EXT1: variants seen among roughly 807,000 people sequenced by gnomAD.
EXT1 encodes exostosin glycosyltransferase 1.
In EXT1, 20 loss-of-function variants were observed where a neutral mutation model predicts 82.5. The ratio of observed to expected loss-of-function variants is 0.24; its 90% CI spans 0.17 to 0.35. The LOEUF is 0.35. Ranked by LOEUF, EXT1 falls within the 10% of genes least tolerant of loss-of-function variation. The pLI is 1.00. For missense variants in EXT1, 757 were observed against 936.5 expected (o/e 0.81, Z 2.50); for synonymous variants, 348 against 350.8 (o/e 0.99, Z 0.09).
intron 1 of EXT1, among the ~76,000 whole-genome samples, chr8:118,090,778 CAAAAAAAAA>C (rs11318164): frequency 8.8e-4 from 24 of 27,192 alleles, no homozygotes; most frequent in East Asian, 1.7e-3. Flanking sequence ...GATTCTGTCT[CAAAAAAAAA>C]AAAAAAAAAA....
intron 1 of EXT1, among the ~76,000 whole-genome samples, chr8:117,895,028 T>A (rs548572545): frequency 6.6e-6 from 1 of 152,326 alleles, no homozygotes; most frequent in Admixed American, 6.5e-5. Context: ...AGCTTCTGGG[T>A]TTGCTGTATC....
At chr8:117,890,616 T>C (rs1183300760) in intron 1 of EXT1, among the ~76,000 whole-genome samples, 1 of 152,190 alleles carries the variant, frequency 6.6e-6, no homozygotes, top group Non-Finnish European at 1.5e-5. Context: ...TTGTTGACAA[T>C]GACAGTATTC....
At chr8:118,003,573 C>G (rs1815718132) in intron 1 of EXT1, among the ~76,000 whole-genome samples, 1 of 152,126 alleles carries the variant, frequency 6.6e-6, no homozygotes, top group African/African-American at 2.4e-5. Context: ...ATAGCAAGCT[C>G]AGATTCTGCC....
chr8:118,096,627 GAAGGAAGGAAGGAAGGAAGGAAGGA>G lies in EXT1; in HGVS notation c.962+13433_962+13457del, dbSNP rs1563654848. ...AGGAAGGAAGGAAGGAAGGAGGAAG[GAAGGAAGGAAGGAAGGAAGGAAGGA>G]AGGAAGGAAGGAAGGAAGGAAGGGA... On this transcript the variant is annotated intron_variant, in intron 1 of 10. Transcript: ENST00000378204. 1.5e-4 allele frequency among the ~76,000 whole-genome samples: 12 copies of G among 82,528 alleles called. 1 individual carries two copies. In the East Asian group the frequency reaches 4.1e-3, roughly 28 times the overall value. The allele number at this position is 82,528 out of a possible 152,430, so 54.1% of individuals were successfully genotyped here.
chr8:117,923,278 AC>A (rs1418786239), intron 1 of EXT1, among the ~76,000 whole-genome samples: 3 of 151,874 alleles, frequency 2.0e-5, no homozygotes, highest in African/African-American at 7.3e-5. Flanking sequence ...CTGAGATTGT[AC>A]CACTGCACTC....
intron 1 of EXT1, among the ~76,000 whole-genome samples, chr8:118,072,717 G>T (rs754224975): frequency 6.6e-6 from 1 of 152,216 alleles, no homozygotes; most frequent in Admixed American, 6.5e-5. Flanking sequence ...TAGCTTGGCC[G>T]TGTCTTTTTT....
intron 1 of EXT1, among the ~76,000 whole-genome samples, chr8:117,870,054 A>G (rs1197555172): frequency 6.6e-6 from 1 of 152,202 alleles, no homozygotes; most frequent in African/African-American, 2.4e-5. Context: ...ATTGATTTCA[A>G]ATGAAAATGT....
intron 1 of EXT1, among the ~76,000 whole-genome samples, chr8:118,074,643 C>T: frequency 6.6e-6 from 1 of 151,428 alleles, no homozygotes; most frequent in East Asian, 1.9e-4. Flanking sequence ...CTTTGGGATC[C>T]GGCCAAGGGG....
intron 1 of EXT1, among the ~76,000 whole-genome samples, chr8:118,069,700 C>T (rs1294304259): frequency 1.3e-5 from 2 of 151,974 alleles, no homozygotes; most frequent in African/African-American, 2.4e-5. Context: ...CTTGTAGCAA[C>T]GTCGTAGGCA....
chr8:118,084,534 T>C lies in EXT1; in HGVS notation c.962+25551A>G, dbSNP rs554054847. 5.3e-5 allele frequency among the ~76,000 whole-genome samples: 8 copies of C among 152,336 alleles called. No individual in the cohort carries two copies. In the South Asian group the frequency reaches 1.4e-3, roughly 28 times the overall value. On this transcript the variant is annotated intron_variant, in intron 1 of 10. Coordinates refer to ENST00000378204, the MANE Select transcript of EXT1 (RefSeq NM_000127.3). ...GGCATGTTATATAATTCAGTCGTTA[T>C]TAAGCCTGCCTGACAGAGCATCAGG...
At chr8:117,823,456 A>G (rs1413178580) in intron 4 of EXT1, among the ~76,000 whole-genome samples, 2 of 152,010 alleles carry the variant, frequency 1.3e-5, no homozygotes, top group Non-Finnish European at 2.9e-5. Context: ...TGATTTGGCA[A>G]ATAATTAACT....
chr8:117,914,539 A>G (rs1813710787), intron 1 of EXT1, among the ~76,000 whole-genome samples: 1 of 152,276 alleles, frequency 6.6e-6, no homozygotes, highest in Admixed American at 6.5e-5. Context: ...GCGAGTAGGA[A>G]AGATATCACT....
At chr8:118,016,501 G>A (rs6987638) in intron 1 of EXT1, among the ~76,000 whole-genome samples, 11,206 of 152,254 alleles carry the variant, frequency 0.074, 1,404 homozygotes, top group African/African-American at 0.26. Flanking sequence ...GGATCCTGAC[G>A]TAGGAAAGCC....
chr8:117,979,064 C>T (rs985659324), intron 1 of EXT1, among the ~76,000 whole-genome samples: 2 of 152,054 alleles, frequency 1.3e-5, no homozygotes, highest in Non-Finnish European at 2.9e-5. Flanking sequence ...AGTTAAAAAG[C>T]AAATGCTCGG....
intron 1 of EXT1, among the ~76,000 whole-genome samples, chr8:118,032,005 A>G (rs1816329173): frequency 6.6e-6 from 1 of 151,866 alleles, no homozygotes; most frequent in Non-Finnish European, 1.5e-5. Context: ...TGATTATATA[A>G]TGTGCTATCT....
chr8:118,109,360 T>TTAA (rs1554601389), intron 1 of EXT1, among the ~76,000 whole-genome samples: 1 of 138,592 alleles, frequency 7.2e-6, no homozygotes, highest in African/African-American at 2.7e-5. Context: ...GGCCCACATT[T>TTAA]AAAAAAAAAA....
At chr8:117,970,326 C>CG (rs1409776620) in intron 1 of EXT1, among the ~76,000 whole-genome samples, 1 of 148,480 alleles carries the variant, frequency 6.7e-6, no homozygotes, top group African/African-American at 2.5e-5. Flanking sequence ...TTTTTTGACA[C>CG]GGAGTCTCAC....
chr8:117,953,409 T>C (rs1035426840), intron 1 of EXT1, among the ~76,000 whole-genome samples: 1 of 151,800 alleles, frequency 6.6e-6, no homozygotes, highest in Non-Finnish European at 1.5e-5. Flanking sequence ...ATTCTGCAAA[T>C]GGTTTTTCTT....
intron 1 of EXT1, among the ~76,000 whole-genome samples, chr8:117,843,198 C>A (rs1340247704): frequency 6.6e-6 from 1 of 152,198 alleles, no homozygotes; most frequent in African/African-American, 2.4e-5. Context: ...ATCCTTTGAG[C>A]ACCTCCTTGC....
Sources: allele counts gnomAD v4.1 joint callset (sites outside exome capture counted in the v4.1 genomes callset), GRCh38; gene constraint gnomAD v4.1.1; transcripts MANE v1.5; gene names NCBI Gene and HGNC (gene_info 2026-07-23, HGNC 2026-07-21).